The following CNNM4 variants were observed in gnomAD, a reference collection of about 807,000 sequenced individuals.
CNNM4 encodes the protein cyclin and CBS domain divalent metal cation transport mediator 4, also known as metal transporter CNNM4.
Under a neutral mutation model 53.7 loss-of-function variants are expected in CNNM4, and 32 were observed. The ratio of observed to expected loss-of-function variants is 0.60; its 90% CI spans 0.45 to 0.80. CNNM4 has a LOEUF of 0.80. Ranked by LOEUF, CNNM4 falls within the 30% of genes least tolerant of loss-of-function variation. The pLI, the probability that CNNM4 is intolerant of heterozygous loss-of-function variation, is 0.00. For synonymous variants in CNNM4, 410 were observed against 440.0 expected (o/e 0.93, Z 0.85); for missense variants, 784 against 1,022.0 (o/e 0.77, Z 3.17).
At chr2:96,805,426 T>G (rs1332889196) in intron 5 of CNNM4, among the ~76,000 whole-genome samples, 6 of 139,946 alleles carry the variant, frequency 4.3e-5, no homozygotes, top group African/African-American at 1.5e-4. Flanking sequence ...CAGTTTTTTT[T>G]TTTTTTTTTT....
At chr2:96,804,736 A>G (rs2079187094) in intron 5 of CNNM4, among the ~76,000 whole-genome samples, 1 of 151,212 alleles carries the variant, frequency 6.6e-6, no homozygotes, top group Non-Finnish European at 1.5e-5. Flanking sequence ...GGGTTTTGCC[A>G]TATTGGCCAG....
At chr2:96,787,733 C>T (rs2079027054) in intron 1 of CNNM4, among the ~76,000 whole-genome samples, 1 of 151,964 alleles carries the variant, frequency 6.6e-6, no homozygotes, top group Non-Finnish European at 1.5e-5. Context: ...TAGTGGCATG[C>T]CCTATAGTCC....
chr2:96,798,026 A>C (rs976481513), intron 3 of CNNM4, among the ~76,000 whole-genome samples: 1 of 151,980 alleles, frequency 6.6e-6, no homozygotes, highest in Non-Finnish European at 1.5e-5. Context: ...CCATCTCTAC[A>C]AAAAATACAA....
chr2:96,805,418 G>GTTTTTTTTTTTTTTTTTTTTTTTT (rs898761608), intron 5 of CNNM4, among the ~76,000 whole-genome samples: 4 of 76,146 alleles, frequency 5.3e-5, no homozygotes, highest in Non-Finnish European at 7.9e-5. Flanking sequence ...CTTCTTTTCA[G>GTTTTTTTTTTTTTTTTTTTTTTTT]TTTTTTTTTT....
chr2:96,769,884 G>T (rs2153344672), intron 1 of CNNM4, among the ~76,000 whole-genome samples: 1 of 152,362 alleles, frequency 6.6e-6, no homozygotes, highest in South Asian at 2.1e-4. Flanking sequence ...CTGGGGGCAG[G>T]TGTATCTGAG....
chr2:96,797,624 C>T lies in CNNM4; in HGVS notation c.1658C>T (p.Ala553Val), dbSNP rs1490433984. Residue 553 changes from alanine to valine, a missense_variant, in exon 3 of 7, where the codon GCC (alanine) becomes GTC (valine). This residue lies in a region of CNNM4 where 307 missense variants were observed against 376.3 expected (regional missense o/e 0.82). Transcript: ENST00000377075. This position sits in a 1 kb window ranked among gnomAD's most constrained non-coding sequence, Gnocchi z 6.0. ...KVKISPQLLL[A>V]AHRFLATEVS... Reference sequence around the variant, plus strand: ...AAAATCTCCCCGCAGCTCCTCCTGGCCGCTCATCGCTTCCTAGCCACAGGT... The same window carrying T: ...AAAATCTCCCCGCAGCTCCTCCTGGTCGCTCATCGCTTCCTAGCCACAGGT... The T allele has an allele frequency of 1.2e-6, 2 of 1,614,154 alleles. No homozygotes were observed. The highest frequency in any genetic ancestry group is 4.5e-5 in the East Asian group (2 of 44,872).
chr2:96,766,100 CTT>C (rs559702736), intron 1 of CNNM4, among the ~76,000 whole-genome samples: 9 of 110,482 alleles, frequency 8.1e-5, no homozygotes, highest in Admixed American at 2.9e-4. Context: ...TTTTTCTTTT[CTT>C]TTTTTTTTTT....
Position 96,801,030 on chromosome 2 carries a change from T to A in CNNM4, c.1948+1382T>A, listed in dbSNP as rs1301393874. On this transcript the variant is annotated intron_variant, in intron 5 of 6. Transcript: ENST00000377075. This position sits in a 1 kb window ranked among gnomAD's most constrained non-coding sequence, Gnocchi z 5.6. ...CCTGTGCCTGTGGTTCCGTGTCCTG[T>A]CTCCTGACTGCGCCCATCACTGACC... is the stretch of plus-strand genomic sequence containing the variant. The A allele has an allele frequency of 4.2e-6, 4 of 946,286 alleles. No individual in the cohort carries two copies. In the African/African-American group the frequency reaches 7.1e-5, roughly 17 times the overall value. The allele number at this position is 946,286 out of a possible 1,614,324, so 58.6% of individuals were successfully genotyped here. A position where few individuals can be genotyped will look rare whatever the true frequency, so the allele number is the denominator to read the frequency against.
chr2:96,764,564 A>G (rs1171685726), intron 1 of CNNM4, among the ~76,000 whole-genome samples: 1 of 152,008 alleles, frequency 6.6e-6, no homozygotes, highest in Non-Finnish European at 1.5e-5. Flanking sequence ...GGTCTTGGAA[A>G]ACCAGTTTTA....
At chr2:96,775,244 C>T (rs1217333836) in intron 1 of CNNM4, among the ~76,000 whole-genome samples, 1 of 152,072 alleles carries the variant, frequency 6.6e-6, no homozygotes, top group Non-Finnish European at 1.5e-5. Flanking sequence ...CCTCCCAGTC[C>T]CTGCCCTGCT....
At chr2:96,780,688 G>A (rs2078966598) in intron 1 of CNNM4, among the ~76,000 whole-genome samples, 2 of 151,810 alleles carry the variant, frequency 1.3e-5, no homozygotes, top group Admixed American at 1.3e-4. Flanking sequence ...TTTTTGTTTT[G>A]TTTGTTTTGT....
At chr2:96,796,131 C>CTTTTTTTTTTTTTTTTT (rs796494842) in intron 1 of CNNM4, among the ~76,000 whole-genome samples, 1 of 50,670 alleles carries the variant, frequency 2.0e-5, no homozygotes, top group Non-Finnish European at 3.8e-5. Context: ...CAGACAGGGT[C>CTTTTTTTTTTTTTTTTT]TTTTTTTTTT....
intron 1 of CNNM4, among the ~76,000 whole-genome samples, chr2:96,765,940 C>G (rs570176279): frequency 6.6e-6 from 1 of 151,316 alleles, no homozygotes; most frequent in South Asian, 2.1e-4. Context: ...CCCGCCACCA[C>G]GCCCGGCTAT....
chr2:96,801,183 G>T lies in CNNM4; in HGVS notation c.1948+1535G>T, dbSNP rs1455410856. 4 of 927,994 alleles carry T rather than the reference G, an allele frequency of 4.3e-6. No individual in the cohort carries two copies. Among genetic ancestry groups the T allele is most frequent in the Non-Finnish European group, 3.9e-6 (3 of 777,620 alleles). The allele number at this position is 927,994 out of a possible 1,614,324, so 57.5% of individuals were successfully genotyped here. ...ACGCTGCCACCTGCTGCCTGTGCCTGCACACTGCAGCTGCATTAACCTCCC... is the reference window on the plus strand; with the variant it reads ...ACGCTGCCACCTGCTGCCTGTGCCTTCACACTGCAGCTGCATTAACCTCCC... On this transcript the variant is annotated intron_variant, in intron 5 of 6. Coordinates refer to ENST00000377075, the MANE Select transcript of CNNM4 (RefSeq NM_020184.4). The surrounding 1 kb of genome is among the most constrained non-coding windows in gnomAD (Gnocchi z 5.6).
rs368081962 is a variant in CNNM4, at chr2:96,801,730, CCA to C, written c.1948+2090_1948+2091del. Among the ~76,000 whole-genome samples, 1 of 147,938 alleles carries C rather than the reference CCA, an allele frequency of 6.8e-6. No individual in the cohort carries two copies. The highest frequency in any genetic ancestry group is 1.5e-5 in the Non-Finnish European group (1 of 66,806). On this transcript the variant is annotated intron_variant, in intron 5 of 6. Coordinates refer to ENST00000377075, the MANE Select transcript of CNNM4 (RefSeq NM_020184.4). This position sits in a 1 kb window ranked among gnomAD's most constrained non-coding sequence, Gnocchi z 5.6. The stretch of plus-strand genomic sequence containing the variant: ...CAGAGAGACCACACACATGCAGAGA[CCA>C]CACACACCCAGAGACCACACACCCA...
chr2:96,779,715 G>A (rs1558985534), intron 1 of CNNM4, among the ~76,000 whole-genome samples: 1 of 151,578 alleles, frequency 6.6e-6, no homozygotes, highest in Non-Finnish European at 1.5e-5. Flanking sequence ...TAAGCCTTTT[G>A]TTCTTCAAGA....
chr2:96,790,984 G>A lies in CNNM4; in HGVS notation c.1403-6028G>A, dbSNP rs1033099807. 2.6e-5 allele frequency among the ~76,000 whole-genome samples: 4 copies of A among 151,762 alleles called. No individual in the cohort carries two copies. The East Asian group carries it at 7.9e-4, about 30-fold the overall frequency. On this transcript the variant is annotated intron_variant, in intron 1 of 6. Coordinates refer to ENST00000377075, the MANE Select transcript of CNNM4 (RefSeq NM_020184.4). ...AAAATACAAAAATTAGCTGGGCATG[G>A]TGGCCTGTGCCTGTAGTCCCAGCTA... is the stretch of plus-strand genomic sequence containing the variant.
intron 1 of CNNM4, among the ~76,000 whole-genome samples, chr2:96,792,227 C>G (rs188623410): frequency 1.2e-3 from 163 of 133,662 alleles, no homozygotes; most frequent in Non-Finnish European, 2.0e-3. Context: ...GCCTGGGTGA[C>G]AGAGTGAGAC....
In CNNM4 at chr2:96,800,683, C is replaced by G; in HGVS notation, c.1948+1035C>G. Among the ~76,000 whole-genome samples, 1 of 152,204 alleles carries G rather than the reference C, an allele frequency of 6.6e-6. No homozygotes were observed. The highest frequency in any genetic ancestry group is 1.5e-5 in the Non-Finnish European group (1 of 68,022). On this transcript the variant is annotated intron_variant, in intron 5 of 6. Transcript: ENST00000377075. The surrounding 1 kb of genome is among the most constrained non-coding windows in gnomAD (Gnocchi z 4.6). ...TGACTTCCTGTGCCTCCAAGAGCAG[C>G]TGTTCTCTGTTCAGTTTGAGGAAAT...
Sources: allele counts gnomAD v4.1 joint callset (sites outside exome capture counted in the v4.1 genomes callset), GRCh38; gene constraint gnomAD v4.1.1; regional missense constraint gnomAD v4.1.1; non-coding constraint Gnocchi (gnomAD v3.1); transcripts MANE v1.5; gene names NCBI Gene and HGNC (gene_info 2026-07-23, HGNC 2026-07-21).